Variants in PCLO observed in about 807,000 individuals in gnomAD.
PCLO encodes protein piccolo.
A neutral mutation model predicts 427.5 loss-of-function variants in PCLO; 82 were observed. The observed-to-expected ratio is 0.19, with a 90% CI of 0.16 to 0.23. PCLO has a LOEUF of 0.23. Ranked by LOEUF, PCLO falls within the 10% of genes least tolerant of loss-of-function variation. The pLI is 1.00. For missense variants in PCLO, 6,239 were observed against 6,115.9 expected (o/e 1.02, Z -0.67); for synonymous variants, 2,357 against 2,155.4 (o/e 1.09, Z -2.59).
chr7:82,758,415 T>C lies in PCLO; in HGVS notation c.*160A>G, dbSNP rs1790361601. ...TTTTCAGTTGAATATCTTTGTGTGA[T>C]CCACAACAATAAATGTACAAGGTCT... On this transcript the variant is annotated 3_prime_UTR_variant, in exon 25 of 25. Transcript: ENST00000333891. 1 of 540,628 alleles carries C rather than the reference T, an allele frequency of 1.8e-6. No individual in the cohort carries two copies. Among genetic ancestry groups the C allele is most frequent in the African/African-American group, 1.9e-5 (1 of 51,670 alleles). 33.5% of individuals were successfully genotyped at this position (540,628 alleles called of 1,614,324 possible).
rs749443578 is a variant in PCLO, at chr7:83,155,447, T to C, written c.1194A>G (p.Gly398=). The change falls in exon 2 of 25, where the codon GGA becomes GGG. Residue 398 remains glycine (G), a synonymous_variant. Coordinates refer to ENST00000333891, the MANE Select transcript of PCLO (RefSeq NM_033026.6). Reference sequence around the variant, plus strand: ...GCCCTGGCTGTTGAGCTGGAGTCTTTCCAACTCCAGGAGGCTGAGCTAAAG... The same window carrying C: ...GCCCTGGCTGTTGAGCTGGAGTCTTCCCAACTCCAGGAGGCTGAGCTAAAG... ...PKALAQPPGV[G]KTPAQQPGPA... is the part of the protein sequence containing the mutation. The C allele has an allele frequency of 2.5e-6, 4 of 1,613,762 alleles. No individual in the cohort carries two copies. The highest frequency in any genetic ancestry group is 3.4e-6 in the Non-Finnish European group (4 of 1,179,820).
Position 82,952,062 on chromosome 7 carries a change from T to G in PCLO, c.8891A>C (p.Glu2964Ala). The change falls in exon 5 of 25, where the codon GAG becomes GCG. Residue 2964 changes from glutamate (E) to alanine (A), a missense_variant. Physicochemically the swap from Glu to Ala is moderately radical, Grantham distance 107. Around this residue, in one of 5 missense-constraint regions of PCLO, gnomAD observed 4,677 missense variants for 4,468.4 expected, o/e 1.05. Transcript: ENST00000333891. ...GTCATCCCTATAACCAAAACGATCC[T>G]CAGGAAGAGTAGTTGCAGGCTGCTG... is the stretch of plus-strand genomic sequence containing the variant. The part of the protein sequence containing the change: ...TAQQPATTLP[E>A]DRFGYRDDHY... The G allele has an allele frequency of 8.1e-6, 13 of 1,613,956 alleles. No individual in the cohort carries two copies. Among genetic ancestry groups the G allele is most frequent in the Non-Finnish European group, 1.1e-5 (13 of 1,179,850 alleles).
At chr7:83,124,707 G>C (rs11974453) in intron 3 of PCLO, among the ~76,000 whole-genome samples, 4 of 151,452 alleles carry the variant, frequency 2.6e-5, no homozygotes, top group Non-Finnish European at 5.9e-5. Flanking sequence ...AGACATATAT[G>C]CTCTCCCTCT....
intron 22 of PCLO, among the ~76,000 whole-genome samples, chr7:82,781,830 C>T (rs892610684): frequency 6.6e-6 from 1 of 152,102 alleles, no homozygotes; most frequent in Non-Finnish European, 1.5e-5. Flanking sequence ...CCATAAAAAC[C>T]CAAGAGGATT....
intron 3 of PCLO, among the ~76,000 whole-genome samples, chr7:83,076,589 T>C (rs995669044): frequency 6.6e-6 from 1 of 151,476 alleles, no homozygotes; most frequent in Non-Finnish European, 1.5e-5. Context: ...TAAAACCTCA[T>C]GCAAAACATT....
chr7:83,100,264 GA>G (rs1276861534), intron 3 of PCLO, among the ~76,000 whole-genome samples: 1 of 152,098 alleles, frequency 6.6e-6, no homozygotes, highest in Admixed American at 6.6e-5. Flanking sequence ...ATTCCTCAAA[GA>G]CCTAAGGACA....
chr7:83,082,632 A>T (rs1257246018), intron 3 of PCLO, among the ~76,000 whole-genome samples: 2 of 151,780 alleles, frequency 1.3e-5, no homozygotes, highest in Non-Finnish European at 1.5e-5. Flanking sequence ...AAAATAGCTA[A>T]AAGAGTAGAA....
rs1182335612 is a variant in PCLO at position 82,760,828 on chromosome 7, A to C, written c.15143-44T>G. The C allele has an allele frequency of 5.5e-6, 6 of 1,093,480 alleles. 1 individual carries two copies. In the South Asian group the frequency reaches 8.5e-5, roughly 15 times the overall value. 67.7% of individuals were successfully genotyped at this position (1,093,480 alleles called of 1,614,324 possible). A position where few individuals can be genotyped will look rare whatever the true frequency, so the allele number is the denominator to read the frequency against. On this transcript the variant is annotated intron_variant, in intron 23 of 24. Transcript: ENST00000333891. ...CCCATTAAATTCCATCAATCATATA[A>C]ATTTCTATTGAAAGAATTATAACTG...
At chr7:83,130,340 G>A (rs546872614) in intron 3 of PCLO, among the ~76,000 whole-genome samples, 15 of 152,056 alleles carry the variant, frequency 9.9e-5, no homozygotes, top group African/African-American at 2.9e-4. Context: ...CCACCATGCC[G>A]GCTTTCTCAT....
chr7:82,817,788 A>G (rs1264637038), intron 20 of PCLO, among the ~76,000 whole-genome samples: 1 of 152,060 alleles, frequency 6.6e-6, no homozygotes, highest in Non-Finnish European at 1.5e-5. Context: ...GTCTCACCTA[A>G]TCTCTCCAAC....
chr7:83,114,593 A>G (rs981419337), intron 3 of PCLO, among the ~76,000 whole-genome samples: 1 of 152,058 alleles, frequency 6.6e-6, no homozygotes, highest in Non-Finnish European at 1.5e-5. Context: ...ACCAAGAAAC[A>G]TGTTTTTAGT....
chr7:83,030,220 G>A (rs1015084580), intron 3 of PCLO, among the ~76,000 whole-genome samples: 1 of 134,714 alleles, frequency 7.4e-6, no homozygotes, highest in African/African-American at 2.8e-5. Flanking sequence ...AATTTGATAA[G>A]TCCAACAGTT....
chr7:82,916,769 TGTG>T lies in PCLO; in HGVS notation c.11214_11216del (p.Thr3739del), dbSNP rs763095051. On this transcript the variant is annotated inframe_deletion, in exon 7 of 25. Transcript: ENST00000333891. The stretch of plus-strand genomic sequence containing the variant: ...TGGAAACTGTGCCCATTGTGCTGAA[TGTG>T]GATTGAGTTCCTGTGGAAATCTCCT... 6.2e-7 allele frequency: 1 copy of T among 1,613,690 alleles called. No homozygotes were observed. Among genetic ancestry groups the T allele is most frequent in the South Asian group, 1.1e-5 (1 of 91,074 alleles).
At chr7:82,901,077 T>A (rs1469813433) in intron 9 of PCLO, among the ~76,000 whole-genome samples, 1 of 151,906 alleles carries the variant, frequency 6.6e-6, no homozygotes, top group African/African-American at 2.4e-5. Context: ...CCAGTGACTG[T>A]ATTTCTTAAT....
intron 7 of PCLO, among the ~76,000 whole-genome samples, chr7:82,909,769 C>T (rs9918528): frequency 2.4e-3 from 366 of 152,068 alleles, no homozygotes; most frequent in African/African-American, 8.4e-3. Flanking sequence ...AAAAATACCT[C>T]TATTGTAATT....
chr7:82,820,941 T>A (rs903322905), intron 20 of PCLO: 1 of 1,229,368 alleles, frequency 8.1e-7, no homozygotes, highest in African/African-American at 1.6e-5. Context: ...ATTACGGGAC[T>A]GATCTTGGGA....
intron 16 of PCLO, among the ~76,000 whole-genome samples, chr7:82,829,548 G>A (rs900580429): frequency 1.3e-5 from 2 of 152,110 alleles, no homozygotes; most frequent in Non-Finnish European, 2.9e-5. Flanking sequence ...ATTAAGGGCA[G>A]AATTTGACAG....
At chr7:83,097,495 C>T (rs1790619757) in intron 3 of PCLO, among the ~76,000 whole-genome samples, 1 of 144,886 alleles carries the variant, frequency 6.9e-6, no homozygotes. Flanking sequence ...GCACTCCAGC[C>T]TGGGTGACAG....
chr7:82,830,328 G>A (rs988584668), intron 16 of PCLO, among the ~76,000 whole-genome samples: 1 of 151,664 alleles, frequency 6.6e-6, no homozygotes, highest in Non-Finnish European at 1.5e-5. Context: ...TTTAGTTTTG[G>A]ATTCTTTTTT....
Sources: gnomAD v4.1 joint callset for allele counts (sites outside exome capture counted in the v4.1 genomes callset) on GRCh38, gnomAD v4.1.1 for gene constraint, gnomAD v4.1.1 regional missense constraint, MANE v1.5 for transcripts, NCBI Gene and HGNC (gene_info 2026-07-23, HGNC 2026-07-21) for gene names.